Variants in RGS6 observed in about 807,000 individuals in gnomAD.
RGS6 encodes regulator of G-protein signaling 6.
In RGS6, 30 loss-of-function variants were observed where a neutral mutation model predicts 78.5. The ratio of observed to expected loss-of-function variants is 0.38; its 90% confidence interval spans 0.29 to 0.52. The LOEUF is 0.52. Among genes scored for constraint, RGS6 ranks in the 20% least tolerant of loss-of-function variants. The pLI, the probability that RGS6 is intolerant of heterozygous loss-of-function variation, is 0.85. For missense variants in RGS6, 495 were observed against 609.7 expected (o/e 0.81, Z 1.98); for synonymous variants, 206 against 206.0 (o/e 1.00, Z 0.00).
the RGS6 span, among the ~76,000 whole-genome samples, chr14:72,592,597 G>A: frequency 0.47 from 71,527 of 152,118 alleles, 18,063 homozygotes; most frequent in African/African-American, 0.63. Context: ...AAATGGTCTG[G>A]CTTTTCAAGA....
intron 2 of RGS6, among the ~76,000 whole-genome samples, chr14:72,076,061 A>C (rs1597161121): frequency 6.6e-6 from 1 of 152,226 alleles, no homozygotes; most frequent in African/African-American, 2.4e-5. Flanking sequence ...CTCTCTAAGC[A>C]GTCCTGGGAG....
intron 2 of RGS6, among the ~76,000 whole-genome samples, chr14:72,069,582 C>T (rs1174614861): frequency 6.6e-6 from 1 of 152,020 alleles, no homozygotes; most frequent in African/African-American, 2.4e-5. Context: ...TTCCATAAGC[C>T]AGGCTGGAGT....
chr14:72,182,822 G>A (rs146020192), intron 2 of RGS6, among the ~76,000 whole-genome samples: 13 of 152,316 alleles, frequency 8.5e-5, no homozygotes, highest in African/African-American at 3.1e-4. Context: ...GAATGGGCAC[G>A]ATTTAGCAGA....
chr14:72,528,980 G>A (rs2097150426), intron 15 of RGS6, among the ~76,000 whole-genome samples: 1 of 152,206 alleles, frequency 6.6e-6, no homozygotes, highest in Non-Finnish European at 1.5e-5. Context: ...TTGGGAAATG[G>A]CCAAAGACCC....
chr14:72,151,807 C>G (rs1034219337), intron 2 of RGS6, among the ~76,000 whole-genome samples: 22 of 152,182 alleles, frequency 1.4e-4, no homozygotes, highest in Admixed American at 1.2e-3. Flanking sequence ...ATGCCACTCT[C>G]TGGATCAGTT....
At chr14:72,062,682 A>G (rs963634848) in intron 2 of RGS6, among the ~76,000 whole-genome samples, 1 of 152,186 alleles carries the variant, frequency 6.6e-6, no homozygotes, top group South Asian at 2.1e-4. Context: ...AATGTTCAAG[A>G]TGTTGTTACC....
intron 2 of RGS6, among the ~76,000 whole-genome samples, chr14:72,182,545 A>G (rs1416174554): frequency 6.6e-6 from 1 of 152,180 alleles, no homozygotes; most frequent in Non-Finnish European, 1.5e-5. Context: ...ACCCAATAGC[A>G]CCATGGCTTT....
intron 3 of RGS6, among the ~76,000 whole-genome samples, chr14:72,419,508 C>T (rs755726995): frequency 6.6e-6 from 1 of 152,200 alleles, no homozygotes; most frequent in Non-Finnish European, 1.5e-5. Flanking sequence ...CAAATCCTAT[C>T]GGCTGAACAT....
intron 3 of RGS6, among the ~76,000 whole-genome samples, chr14:72,401,880 G>A (rs1258054825): frequency 2.0e-5 from 3 of 152,190 alleles, no homozygotes; most frequent in South Asian, 2.1e-4. Flanking sequence ...GAAAGATGAT[G>A]TGATCTCAGA....
intron 2 of RGS6, among the ~76,000 whole-genome samples, chr14:71,995,655 AC>A (rs1467368348): frequency 2.0e-5 from 3 of 152,114 alleles, no homozygotes; most frequent in African/African-American, 7.2e-5. Flanking sequence ...GGAGATTGGA[AC>A]CTGACACGTA....
chr14:72,032,483 TTACCA>T (rs1187238567), intron 2 of RGS6, among the ~76,000 whole-genome samples: 1 of 152,186 alleles, frequency 6.6e-6, no homozygotes, highest in Non-Finnish European at 1.5e-5. Flanking sequence ...ATAACAAAAG[TTACCA>T]TAGTAACCAT....
At chr14:71,982,152 T>C (rs4433749) in intron 2 of RGS6, among the ~76,000 whole-genome samples, 94,410 of 151,024 alleles carry the variant, frequency 0.63, 29,900 homozygotes, top group Non-Finnish European at 0.69. Context: ...GGCTGGCGCA[T>C]GGTGCGTGCA....
intron 2 of RGS6, among the ~76,000 whole-genome samples, chr14:72,112,432 GGCA>G (rs2095789841): frequency 6.6e-6 from 1 of 152,172 alleles, no homozygotes; most frequent in Admixed American, 6.5e-5. Context: ...GGTGCTGAGT[GGCA>G]GCAGGGTAGG....
At chr14:72,537,545 A>G in intron 16 of RGS6, 1 of 702,342 alleles carries the variant, frequency 1.4e-6, no homozygotes, top group South Asian at 1.5e-5. Context: ...GGCAGTGTGG[A>G]GCCTGGCCTC....
At chr14:72,250,413 A>AAAC (rs1555577324) in intron 2 of RGS6, among the ~76,000 whole-genome samples, 6 of 149,522 alleles carry the variant, frequency 4.0e-5, no homozygotes, top group African/African-American at 1.2e-4. Flanking sequence ...AAAAAAAAAA[A>AAAC]CCCCAAGGGA....
At chr14:72,188,913 T>C (rs2097287468) in intron 2 of RGS6, among the ~76,000 whole-genome samples, 1 of 152,190 alleles carries the variant, frequency 6.6e-6, no homozygotes, top group Non-Finnish European at 1.5e-5. Context: ...GTGATCTTCT[T>C]CTCTCCAGAG....
At chr14:72,361,777 T>C (rs528344304) in intron 3 of RGS6, among the ~76,000 whole-genome samples, 4 of 152,060 alleles carry the variant, frequency 2.6e-5, no homozygotes, top group African/African-American at 7.2e-5. Flanking sequence ...ACTTTCACAA[T>C]AAGAGGTACA....
intron 2 of RGS6, among the ~76,000 whole-genome samples, chr14:72,147,371 GA>G (rs1195534891): frequency 2.0e-5 from 3 of 152,178 alleles, no homozygotes; most frequent in Non-Finnish European, 4.4e-5. Flanking sequence ...AATTTATAAA[GA>G]AAAGAAAGCC....
intron 14 of RGS6, among the ~76,000 whole-genome samples, chr14:72,512,065 C>T (rs1392037517): frequency 6.6e-6 from 1 of 152,142 alleles, no homozygotes; most frequent in Admixed American, 6.5e-5. Flanking sequence ...GTTTCCACCC[C>T]CTCCATGGTC....
Sources: gnomAD v4.1 joint callset for allele counts (sites outside exome capture counted in the v4.1 genomes callset) on GRCh38, gnomAD v4.1.1 for gene constraint, MANE v1.5 for transcripts, NCBI Gene and HGNC (gene_info 2026-07-23, HGNC 2026-07-21) for gene names.